FIP1L1: variants seen among roughly 807,000 people sequenced by gnomAD.
FIP1L1 encodes the protein factor interacting with PAPOLA and CPSF1, also known as pre-mRNA 3'-end-processing factor FIP1.
In FIP1L1, 21 loss-of-function variants were observed where a neutral mutation model predicts 84.6. That is an observed-to-expected ratio of 0.25 (90% CI 0.18 to 0.36). The LOEUF (loss-of-function observed/expected upper bound fraction) is 0.36. Ranked by LOEUF, FIP1L1 falls within the 10% of genes least tolerant of loss-of-function variation. The pLI, the probability that FIP1L1 is intolerant of heterozygous loss-of-function variation, is 1.00. For synonymous variants in FIP1L1, 263 were observed against 242.3 expected (o/e 1.09, Z -0.80); for missense variants, 526 against 751.1 (o/e 0.70, Z 3.50).
intron 13 of FIP1L1, 23 bp from the exon 14 acceptor site, chr4:53,442,630 T>C: frequency 6.4e-7 from 1 of 1,560,760 alleles, no homozygotes; most frequent in Non-Finnish European, 8.8e-7. Context: ...TAACATTTTT[T>C]ATCTTATGAT....
intron 10 of FIP1L1, among the ~76,000 whole-genome samples, chr4:53,406,943 A>T (rs1208657394): frequency 1.3e-5 from 2 of 151,938 alleles, no homozygotes; most frequent in Non-Finnish European, 2.9e-5. Context: ...AATTTTGTTG[A>T]TCTTTTCAAA....
Position 53,388,707 on chromosome 4 carries a change from T to A in FIP1L1, c.333-1102T>A, listed in dbSNP as rs114340088. ...CATTCCCGTTTTCTTCTAACTTCCC[T>A]AGTAACAGAAAAGTCTCTTTTAATT... On this transcript the variant is annotated intron_variant, in intron 5 of 17. Coordinates refer to ENST00000337488, the MANE Select transcript of FIP1L1 (RefSeq NM_030917.4). 4.4e-3 allele frequency among the ~76,000 whole-genome samples: 676 copies of A among 152,322 alleles called. 3 individuals are homozygous for A. Among genetic ancestry groups the A allele is most frequent in the Non-Finnish European group, 7.7e-3 (523 of 68,022 alleles).
chr4:53,442,719 T>G lies in FIP1L1; in HGVS notation c.1229+12T>G. ...CCAACAATAGAAAGGTAAATCAGTA[T>G]GGATACTGATTTTTGATCATTGATA... On this transcript the variant is annotated intron_variant, in intron 14 of 17. Transcript: ENST00000337488. 1.3e-6 allele frequency: 2 copies of G among 1,540,406 alleles called. No homozygotes were observed. The highest frequency in any genetic ancestry group is 1.8e-6 in the Non-Finnish European group (2 of 1,116,738).
chr4:53,451,965 G>A (rs1716301476), intron 15 of FIP1L1, among the ~76,000 whole-genome samples: 1 of 151,096 alleles, frequency 6.6e-6, no homozygotes, highest in Admixed American at 6.6e-5. Flanking sequence ...CTCACTGCAA[G>A]CTCCGCCTCC....
At chr4:53,427,943 CTTAGA>C (rs1462145779) in intron 12 of FIP1L1, 79 bp from the exon 13 acceptor site, 1 of 1,182,924 alleles carries the variant, frequency 8.5e-7, no homozygotes, top group South Asian at 1.7e-5. Context: ...TACTTTGTTT[CTTAGA>C]TTAAATGAAA....
chr4:53,392,806 T>G (rs1744967013), intron 9 of FIP1L1, among the ~76,000 whole-genome samples: 1 of 152,130 alleles, frequency 6.6e-6, no homozygotes, highest in Non-Finnish European at 1.5e-5. Flanking sequence ...ACTGAAAAAT[T>G]TATTTTGAAG....
At chr4:53,412,652 G>C (rs541430856) in intron 10 of FIP1L1, among the ~76,000 whole-genome samples, 2 of 152,096 alleles carry the variant, frequency 1.3e-5, no homozygotes, top group East Asian at 3.9e-4. Context: ...GTATTGGCTT[G>C]GAGATACAGG....
At position 53,459,420 on chromosome 4, in the gene FIP1L1, G is replaced by A; in HGVS notation, c.1756G>A (p.Glu586Lys). The A allele has an allele frequency of 6.2e-7, 1 of 1,613,214 alleles. No homozygotes were observed. Among genetic ancestry groups the A allele is most frequent in the Non-Finnish European group, 8.5e-7 (1 of 1,179,586 alleles). The change falls in exon 18 of 18, where the codon GAG becomes AAG. Residue 586 changes from glutamate (E) to lysine (K), a missense_variant. Physicochemically the swap from Glu to Lys is moderately conservative, Grantham distance 56. Transcript: ENST00000337488. The part of the protein sequence containing the change: ...EAGSEPAPEQ[E>K]STEATPAE ...GGGCAGTGAGCCTGCCCCTGAACAG[G>A]AGAGCACCGAAGCTACACCTGCAGA...
chr4:53,416,135 A>T (rs1200987041), intron 11 of FIP1L1, among the ~76,000 whole-genome samples: 1 of 152,204 alleles, frequency 6.6e-6, no homozygotes, highest in African/African-American at 2.4e-5. Context: ...TTTCCATGGA[A>T]CCTAAAAGTT....
chr4:53,443,639 A>G (rs969780590), intron 14 of FIP1L1, among the ~76,000 whole-genome samples: 5 of 152,102 alleles, frequency 3.3e-5, no homozygotes, highest in African/African-American at 1.2e-4. Context: ...AGACACATTT[A>G]TTTTCTCAGT....
Position 53,405,359 on chromosome 4 carries a change from A to G in FIP1L1, c.815+5520A>G, listed in dbSNP as rs943415035. 4.0e-5 allele frequency among the ~76,000 whole-genome samples: 6 copies of G among 151,714 alleles called. No homozygotes were observed. In the East Asian group the frequency reaches 5.8e-4, roughly 15 times the overall value. Reference sequence around the variant, plus strand: ...TTTCTGAGGGCTCTGTTCTGTTCCAATGGTCTATATCTCTGTTTTGGTACC... The same window carrying G: ...TTTCTGAGGGCTCTGTTCTGTTCCAGTGGTCTATATCTCTGTTTTGGTACC... On this transcript the variant is annotated intron_variant, in intron 10 of 17. Transcript: ENST00000337488.
intron 14 of FIP1L1, among the ~76,000 whole-genome samples, chr4:53,443,089 G>T (rs1772684554): frequency 6.6e-6 from 1 of 152,104 alleles, no homozygotes; most frequent in Non-Finnish European, 1.5e-5. Context: ...TGGGACCATA[G>T]TCAAGAAAAG....
chr4:53,428,253 AATTAAAATAATATCTTGATC>A, intron 13 of FIP1L1, 70 bp downstream of exon 13: 1 of 1,398,746 alleles, frequency 7.1e-7, no homozygotes, highest in South Asian at 1.6e-5. Context: ...AATTTTTGAC[AATTAAAATAATATCTTGATC>A]ACATTTCATT....
In FIP1L1 at chr4:53,391,054, C is replaced by A. The variant is rs372681089; in HGVS notation, c.551C>A (p.Thr184Asn). 104 of 1,610,284 alleles carry A rather than the reference C, an allele frequency of 6.5e-5. No homozygotes were observed. Among genetic ancestry groups the A allele is most frequent in the Non-Finnish European group, 8.5e-5 (100 of 1,178,056 alleles). ...DYFNYGFNED[T>N]WKAYCEKQKR... ...TTTAATTATGGGTTTAATGAAGATA[C>A]CTGGAAAGCTTACTGTGAAAAACAA... The change falls in exon 8 of 18, where the codon ACC (threonine) becomes AAC (asparagine). Residue 184 changes from threonine to asparagine, a missense_variant. This residue lies in a region of FIP1L1 where 169 missense variants were observed against 206.9 expected (regional missense o/e 0.82). Coordinates refer to ENST00000337488, the MANE Select transcript of FIP1L1 (RefSeq NM_030917.4).
intron 10 of FIP1L1, among the ~76,000 whole-genome samples, chr4:53,405,504 T>C (rs1246276419): frequency 6.6e-6 from 1 of 151,508 alleles, no homozygotes; most frequent in Non-Finnish European, 1.5e-5. Context: ...CTTTTTTGGT[T>C]CCATATGAAC....
Position 53,459,685 on chromosome 4 carries a change from G to GTGAA in FIP1L1, c.*240_*243dup, listed in dbSNP as rs1420829562. 8 of 538,594 alleles carry GTGAA rather than the reference G, an allele frequency of 1.5e-5. No individual in the cohort carries two copies. The highest frequency in any genetic ancestry group is 2.3e-5 in the Non-Finnish European group (7 of 303,566). 33.4% of individuals were successfully genotyped at this position (538,594 alleles called of 1,614,324 possible). A position where few individuals can be genotyped will look rare whatever the true frequency, so the allele number is the denominator to read the frequency against. ...ATGACTTTATATCCAAGAAAGGAAT[G>GTGAA]TGAATGAGTCACTTAACAGGGAATC... On this transcript the variant is annotated 3_prime_UTR_variant, in exon 18 of 18. Transcript: ENST00000337488.
chr4:53,379,326 T>C (rs2149234056), intron 3 of FIP1L1, 62 bp downstream of exon 3: 1 of 1,372,170 alleles, frequency 7.3e-7, no homozygotes, highest in East Asian at 2.3e-5. Context: ...GTTCTGTCAG[T>C]TGTCAAAATT....
intron 10 of FIP1L1, among the ~76,000 whole-genome samples, chr4:53,407,577 G>C (rs921340606): frequency 6.8e-6 from 1 of 146,550 alleles, no homozygotes; most frequent in Non-Finnish European, 1.5e-5. Context: ...TTAACTTTCT[G>C]TCTCGTTGGT....
intron 10 of FIP1L1, among the ~76,000 whole-genome samples, chr4:53,407,894 A>G (rs1281942461): frequency 6.6e-6 from 1 of 152,026 alleles, no homozygotes; most frequent in Non-Finnish European, 1.5e-5. Context: ...GTGTCTCTGC[A>G]TGTGAGATGT....
Sources: gnomAD v4.1 joint callset for allele counts (sites outside exome capture counted in the v4.1 genomes callset) on GRCh38, gnomAD v4.1.1 for gene constraint, gnomAD v4.1.1 regional missense constraint, MANE v1.5 for transcripts, NCBI Gene and HGNC (gene_info 2026-07-23, HGNC 2026-07-21) for gene names.